DHRSX: variants seen among roughly 807,000 people sequenced by gnomAD.
The protein encoded by DHRSX is polyprenol dehydrogenase.
DHRSX carries 31 observed loss-of-function variants against 34.0 expected under a neutral mutation model. The observed-to-expected ratio is 0.91, with a 90% CI of 0.69 to 1.23. DHRSX has a LOEUF of 1.23. Among genes scored for constraint, DHRSX ranks in the 50% most tolerant of loss-of-function variants. DHRSX has a pLI of 0.00. For missense variants in DHRSX, 414 were observed against 428.1 expected, an observed-to-expected ratio of 0.97 and a Z score of 0.29; for synonymous variants, 201 against 183.8, an observed-to-expected ratio of 1.09 and a Z score of -0.76.
At chrX:2,365,359 C>T (rs1208795987) in intron 3 of DHRSX, among the ~76,000 whole-genome samples, 4 of 152,108 alleles carry the variant, frequency 2.6e-5, no homozygotes, top group Non-Finnish European at 5.9e-5. Flanking sequence ...AGGCTGGTCT[C>T]GAACTCCTGA....
chrX:2,321,058 C>CT (rs1451572247), intron 3 of DHRSX, among the ~76,000 whole-genome samples: 3 of 152,126 alleles, frequency 2.0e-5, no homozygotes, highest in Non-Finnish European at 4.4e-5. Flanking sequence ...AACACTGGCT[C>CT]TGAAAACAGC....
chrX:2,265,401 C>T (rs778444542), intron 5 of DHRSX, among the ~76,000 whole-genome samples: 6 of 129,662 alleles, frequency 4.6e-5, no homozygotes, highest in Admixed American at 7.5e-5. Context: ...CACCAGTGTA[C>T]AGCAGACGCA....
chrX:2,358,070 G>C (rs368007035), intron 3 of DHRSX, among the ~76,000 whole-genome samples: 8 of 152,154 alleles, frequency 5.3e-5, no homozygotes, highest in African/African-American at 1.7e-4. Context: ...ATGCTACTTT[G>C]TCTTCAAAAG....
At chrX:2,400,632 C>G (rs1258754877) in intron 3 of DHRSX, among the ~76,000 whole-genome samples, 1 of 152,206 alleles carries the variant, frequency 6.6e-6, no homozygotes, top group African/African-American at 2.4e-5. Flanking sequence ...CCTCACAAAG[C>G]TCTGATTTTA....
intron 1 of DHRSX, chrX:2,500,166 G>A (rs1428666629): frequency 6.6e-6 from 1 of 152,368 alleles, no homozygotes; most frequent in Non-Finnish European, 1.5e-5. Context: ...GTGACTCAGA[G>A]ATGTTTACAA....
intron 1 of DHRSX, among the ~76,000 whole-genome samples, chrX:2,444,276 A>G (rs1378713108): frequency 6.6e-6 from 1 of 152,196 alleles, no homozygotes; most frequent in Non-Finnish European, 1.5e-5. Flanking sequence ...TTCTGCAAGC[A>G]CACACCCCTT....
intron 5 of DHRSX, among the ~76,000 whole-genome samples, chrX:2,246,706 G>GAGAAAGAAAGAAAGAAAGAAAGAA (rs997986324): frequency 1.3e-4 from 14 of 107,506 alleles, no homozygotes; most frequent in Middle Eastern, 4.3e-3. Context: ...AAGAAAGAAA[G>GAGAAAGAAAGAAAGAAAGAAAGAA]AGAAAGAAAG....
chrX:2,354,408 AG>A (rs1427801936), intron 3 of DHRSX, among the ~76,000 whole-genome samples: 1 of 152,202 alleles, frequency 6.6e-6, no homozygotes, highest in African/African-American at 2.4e-5. Flanking sequence ...GCTCACAGAC[AG>A]GGGTCATGGA....
intron 3 of DHRSX, among the ~76,000 whole-genome samples, chrX:2,403,314 C>T (rs28472963): frequency 6.6e-6 from 1 of 152,106 alleles, no homozygotes; most frequent in Non-Finnish European, 1.5e-5. Flanking sequence ...CACGGCACAC[C>T]CCATCTTCCC....
At position 2,376,400 on chromosome X, in the gene DHRSX, C is replaced by T. The variant is rs2043141076; in HGVS notation, c.286+32345G>A. Among the ~76,000 whole-genome samples the T allele has an allele frequency of 2.2e-5, 3 of 137,280 alleles. 1 individual carries two copies. The South Asian group carries it at 6.9e-4, about 32-fold the overall frequency. 90.1% of individuals were successfully genotyped at this position (137,280 alleles called of 152,430 possible). On this transcript the variant is annotated intron_variant, in intron 3 of 6. Transcript: ENST00000334651. ...GTCTGTTACCCACAGAGGATGACAT[C>T]GTCATTCAGGTGGCCATGAAGAAAG...
At chrX:2,322,430 T>C (rs2042322873) in intron 3 of DHRSX, among the ~76,000 whole-genome samples, 1 of 151,672 alleles carries the variant, frequency 6.6e-6, no homozygotes, top group African/African-American at 2.4e-5. Context: ...GCACCTTTAG[T>C]GCCAGCTACT....
intron 1 of DHRSX, among the ~76,000 whole-genome samples, chrX:2,483,124 T>A (rs1163116160): frequency 1.3e-5 from 2 of 152,184 alleles, no homozygotes; most frequent in Non-Finnish European, 1.5e-5. Context: ...CTCACTCTTT[T>A]GCCCAGGCTG....
At chrX:2,267,088 CCT>C (rs2041485534) in intron 4 of DHRSX, 141 bp from the exon 5 acceptor site, 2 of 760,568 alleles carry the variant, frequency 2.6e-6, no homozygotes, top group Admixed American at 2.2e-5. Context: ...TCCTCCTGGG[CCT>C]CTGTTTCCTG....
chrX:2,468,628 T>C (rs1282064274), intron 1 of DHRSX, among the ~76,000 whole-genome samples: 1 of 151,348 alleles, frequency 6.6e-6, no homozygotes, highest in Non-Finnish European at 1.5e-5. Flanking sequence ...ACCGCCGCCA[T>C]GTACACACTG....
At position 2,221,223 on chromosome X, in the gene DHRSX, C is replaced by T. The variant is rs759302112; in HGVS notation, c.811G>A (p.Asp271Asn). 43 of 1,612,652 alleles carry T rather than the reference C, an allele frequency of 2.7e-5. No individual in the cohort carries two copies. The highest frequency in any genetic ancestry group is 1.1e-4 in the East Asian group (5 of 44,880). ...TAGATGGAAGTCCACGCTCCTTCAT[C>T]GGGGGTCTGGTGGAAGAAGAAAAGA... ...LLGWLLFKTP[D>N]EGAWTSIYAA... Residue 271 changes from aspartate (D) to asparagine (N), a missense_variant, in exon 7 of 7, where the codon GAT (aspartate) becomes AAT (asparagine). By Grantham distance (23) the Asp-to-Asn change is conservative. Coordinates refer to ENST00000334651, the MANE Select transcript of DHRSX (RefSeq NM_145177.3).
chrX:2,408,706 A>G, intron 3 of DHRSX, 39 bp downstream of exon 3: 1 of 1,576,538 alleles, frequency 6.3e-7, no homozygotes, highest in Non-Finnish European at 8.6e-7. Flanking sequence ...CCAAGGAAAA[A>G]AAAAAACAAA....
intron 2 of DHRSX, among the ~76,000 whole-genome samples, chrX:2,409,440 G>A (rs374907235): frequency 9.2e-5 from 14 of 152,108 alleles, no homozygotes; most frequent in East Asian, 3.9e-4. Flanking sequence ...TCAACCCCTC[G>A]ACAGGCCCTG....
chrX:2,355,942 T>C (rs1416619277), intron 3 of DHRSX, among the ~76,000 whole-genome samples: 2 of 151,594 alleles, frequency 1.3e-5, no homozygotes, highest in Admixed American at 6.6e-5. Context: ...GGCAGGTATA[T>C]GTAGTTCCAG....
chrX:2,266,605 A>AGACGCAGG, intron 5 of DHRSX, 135 bp downstream of exon 5: 2 of 875,348 alleles, frequency 2.3e-6, no homozygotes, highest in Non-Finnish European at 3.7e-6. Context: ...AGTGCTCGGC[A>AGACGCAGG]GACGCAGGGA....
Sources: gnomAD v4.1 joint callset for allele counts (sites outside exome capture counted in the v4.1 genomes callset) on GRCh38, gnomAD v4.1.1 for gene constraint, MANE v1.5 for transcripts, NCBI Gene and HGNC (gene_info 2026-07-23, HGNC 2026-07-21) for gene names.